The following ZNF41 variants were observed in gnomAD, a reference collection of about 807,000 sequenced individuals.
ZNF41 encodes zinc finger protein 41.
A neutral mutation model predicts 9.3 loss-of-function variants in ZNF41; 6 were observed. That is an observed-to-expected ratio of 0.65 (90% CI 0.35 to 1.28). ZNF41 has a LOEUF of 1.28. Among genes scored for constraint, ZNF41 ranks in the 50% most tolerant of loss-of-function variants. The pLI, the probability that ZNF41 is intolerant of heterozygous loss-of-function variation, is 0.03. For missense variants in ZNF41, 523 were observed against 585.8 expected, an observed-to-expected ratio of 0.89 and a Z score of 1.11; for synonymous variants, 192 against 207.1, an observed-to-expected ratio of 0.93 and a Z score of 0.63.
chrX:47,461,485 A>G (rs2056791496), intron 2 of ZNF41, among the ~76,000 whole-genome samples: 1 of 110,123 alleles, frequency 9.1e-6, no homozygotes, highest in Non-Finnish European at 1.9e-5. Flanking sequence ...ATCTTGGCTC[A>G]CTGCAACCTC....
chrX:47,469,456 T>C (rs1334126075), intron 1 of ZNF41, among the ~76,000 whole-genome samples: 1 of 109,372 alleles, frequency 9.1e-6, no homozygotes, highest in Non-Finnish European at 1.9e-5. Flanking sequence ...GAAACAGAAA[T>C]GTCAAAACAG....
intron 1 of ZNF41, chrX:47,482,576 G>A (rs1272148230): frequency 2.8e-5 from 3 of 105,289 alleles, no homozygotes; most frequent in Non-Finnish European, 5.9e-5. Flanking sequence ...CACCTGGTGG[G>A]TGCCCTTACA....
At chrX:47,479,730 C>T (rs1053154519) in intron 1 of ZNF41, among the ~76,000 whole-genome samples, 8 of 109,561 alleles carry the variant, frequency 7.3e-5, no homozygotes, top group African/African-American at 2.6e-4. Context: ...GGTGTTGGAC[C>T]CATAAGAAAA....
intron 4 of ZNF41, among the ~76,000 whole-genome samples, chrX:47,455,414 G>A (rs756724960): frequency 1.8e-5 from 2 of 108,965 alleles, no homozygotes; most frequent in Admixed American, 9.9e-5. Context: ...GTGAAATCAC[G>A]TCTCTACAAA....
chrX:47,450,065 T>G (rs915486731), intron 4 of ZNF41, among the ~76,000 whole-genome samples: 7 of 112,052 alleles, frequency 6.2e-5, no homozygotes, highest in African/African-American at 2.3e-4. Flanking sequence ...AATTTAATGT[T>G]AATTTGAACA....
At chrX:47,462,464 A>C (rs1327786170) in intron 2 of ZNF41, among the ~76,000 whole-genome samples, 6 of 109,413 alleles carry the variant, frequency 5.5e-5, no homozygotes, top group Non-Finnish European at 1.1e-4. Flanking sequence ...CTTTGACTCT[A>C]CCTGGATCGC....
intron 4 of ZNF41, 108 bp downstream of exon 4, chrX:47,455,813 G>T: frequency 1.3e-6 from 1 of 755,170 alleles, no homozygotes; most frequent in Non-Finnish European, 2.0e-6. Context: ...CAAAAGTTTA[G>T]AACTTTCAAG....
chrX:47,474,286 G>C (rs1440092784), intron 1 of ZNF41, among the ~76,000 whole-genome samples: 1 of 110,813 alleles, frequency 9.0e-6, no homozygotes, highest in East Asian at 2.8e-4. Flanking sequence ...GGCCAACATG[G>C]TGAAACCCCA....
At chrX:47,469,283 C>A (rs2057096553) in intron 1 of ZNF41, among the ~76,000 whole-genome samples, 1 of 84,484 alleles carries the variant, frequency 1.2e-5, no homozygotes. Flanking sequence ...TGCACTCCAG[C>A]CTGGGCGACA....
rs2056188086 is a variant in ZNF41 at position 47,447,997 on chromosome X, T to C, written c.1773A>G (p.Lys591=). The part of the protein sequence containing the change: ...CKDCGKAFIQ[K]STLSVHQRIH... ...TTCTCTGATGCACGCTTAGTGTTGA[T>C]TTCTGGATGAAGGCTTTCCCGCAGT... Residue 591 remains lysine, a synonymous_variant, in exon 5 of 5, where the codon AAA becomes AAG. Transcript: ENST00000684689. 3 of 1,211,409 alleles carry C rather than the reference T, an allele frequency of 2.5e-6. No individual in the cohort carries two copies. Among genetic ancestry groups the C allele is most frequent in the Non-Finnish European group, 2.2e-6 (2 of 895,379 alleles).
At chrX:47,454,761 G>T (rs968545715) in intron 4 of ZNF41, among the ~76,000 whole-genome samples, 8 of 110,476 alleles carry the variant, frequency 7.2e-5, no homozygotes, top group African/African-American at 2.6e-4. Context: ...AGAGACCATA[G>T]GAATGAGTGA....
chrX:47,452,308 C>T (rs1280211639), intron 4 of ZNF41, among the ~76,000 whole-genome samples: 1 of 110,202 alleles, frequency 9.1e-6, no homozygotes, highest in Non-Finnish European at 1.9e-5. Context: ...CCTGCAGGCC[C>T]CCGCAGTGCT....
intron 2 of ZNF41, among the ~76,000 whole-genome samples, chrX:47,461,492 C>T (rs1223510578): frequency 1.8e-5 from 2 of 110,233 alleles, no homozygotes; most frequent in Admixed American, 9.8e-5. Flanking sequence ...CTCACTGCAA[C>T]CTCTGCCTCC....
chrX:47,475,691 C>G (rs1273514710), intron 1 of ZNF41, among the ~76,000 whole-genome samples: 1 of 111,799 alleles, frequency 8.9e-6, no homozygotes, highest in Non-Finnish European at 1.9e-5. Flanking sequence ...TGTTCTTGTA[C>G]TGACTGTATA....
At chrX:47,460,531 TAGA>T (rs1377330593) in intron 2 of ZNF41, among the ~76,000 whole-genome samples, 1 of 111,463 alleles carries the variant, frequency 9.0e-6, no homozygotes, top group Non-Finnish European at 1.9e-5. Context: ...AGGGCTCAGC[TAGA>T]AGATGTAGAG....
At chrX:47,469,143 C>G (rs2057087884) in intron 1 of ZNF41, among the ~76,000 whole-genome samples, 2 of 102,842 alleles carry the variant, frequency 1.9e-5, no homozygotes, top group African/African-American at 7.1e-5. Context: ...AACCCCGTCT[C>G]TACTAAAAAT....
Position 47,467,688 on chromosome X carries a change from A to G in ZNF41, c.-207T>C, listed in dbSNP as rs761951981. On this transcript the variant is annotated 5_prime_UTR_variant, in exon 2 of 5. Transcript: ENST00000684689. The stretch of plus-strand genomic sequence containing the variant: ...AAGAAACCCTGGAAAGACAGTGTCC[A>G]CATGGTCATCACTCCACGTTCACTC... 5 of 452,271 alleles carry G rather than the reference A, an allele frequency of 1.1e-5. No individual in the cohort carries two copies. Among genetic ancestry groups the G allele is most frequent in the Non-Finnish European group, 1.9e-5 (5 of 262,613 alleles). 37.3% of individuals were successfully genotyped at this position (452,271 alleles called of 1,213,427 possible).
At chrX:47,479,863 G>A (rs372579959) in intron 1 of ZNF41, among the ~76,000 whole-genome samples, 1 of 111,741 alleles carries the variant, frequency 8.9e-6, no homozygotes, top group African/African-American at 3.2e-5. Flanking sequence ...TTGGGAGGCC[G>A]AGGCACGCAG....
intron 4 of ZNF41, among the ~76,000 whole-genome samples, chrX:47,455,231 G>A (rs11797962): frequency 0.034 from 3,422 of 101,121 alleles, 54 homozygotes; most frequent in African/African-American, 0.052. Flanking sequence ...GGCAACAAGA[G>A]CGAAACTCTG....
Sources: gnomAD v4.1 joint callset for allele counts (sites outside exome capture counted in the v4.1 genomes callset) on GRCh38, gnomAD v4.1.1 for gene constraint, MANE v1.5 for transcripts, NCBI Gene and HGNC (gene_info 2026-07-23, HGNC 2026-07-21) for gene names.